Variants in PROM1 observed in about 807,000 individuals in gnomAD.
PROM1 encodes the protein prominin-1.
In PROM1, 105 loss-of-function variants were observed where a neutral mutation model predicts 116.9. That is an observed-to-expected ratio of 0.90 (90% CI 0.77 to 1.06). The LOEUF is 1.06. Ranked by LOEUF, PROM1 falls within the 50% of genes least tolerant of loss-of-function variation. The pLI, the probability that PROM1 is intolerant of heterozygous loss-of-function variation, is 0.00. For synonymous variants in PROM1, 393 were observed against 387.0 expected (o/e 1.02, Z -0.18); for missense variants, 1,122 against 1,045.2 (o/e 1.07, Z -1.01).
At chr4:16,078,088 GA>G (rs1401090170) in intron 1 of PROM1, 2 of 152,240 alleles carry the variant, frequency 1.3e-5, no homozygotes, top group African/African-American at 2.4e-5. Context: ...GGCAGAGGGA[GA>G]CTCTTACCTA....
chr4:16,029,445 C>A (rs542870959), intron 5 of PROM1, among the ~76,000 whole-genome samples: 38 of 151,616 alleles, frequency 2.5e-4, no homozygotes, highest in African/African-American at 8.5e-4. Flanking sequence ...TTGGCTTTTT[C>A]TGGAGTAAGA....
chr4:16,044,508 TGCCTTTGGTG>T (rs1578189760), intron 2 of PROM1, among the ~76,000 whole-genome samples: 1 of 152,358 alleles, frequency 6.6e-6, no homozygotes, highest in East Asian at 1.9e-4. Flanking sequence ...GTCCCTCTTT[TGCCTTTGGTG>T]GCCCCATCTT....
At chr4:15,994,183 C>A in intron 15 of PROM1, 112 bp from the exon 16 acceptor site, 1 of 1,536,914 alleles carries the variant, frequency 6.5e-7, no homozygotes, top group East Asian at 2.3e-5. Flanking sequence ...AATCTGTGAA[C>A]ACAGAAGTGG....
rs921874913 is a variant in PROM1 at position 16,075,647 on chromosome 4, T to C, written c.220+40A>G. 7 of 1,546,862 alleles carry C rather than the reference T, an allele frequency of 4.5e-6. 1 individual carries two copies. The African/African-American group carries it at 6.8e-5, about 15-fold the overall frequency. ...TTAAAAAACAATATTGTGGGTGCGT[T>C]TGGAGATAAATCCTATCTTTCCCTG... On this transcript the variant is annotated intron_variant, in intron 2 of 27. Coordinates refer to ENST00000447510, the MANE Select transcript of PROM1 (RefSeq NM_006017.3).
chr4:16,037,187 G>A (rs1734122079), intron 3 of PROM1, among the ~76,000 whole-genome samples: 1 of 152,148 alleles, frequency 6.6e-6, no homozygotes. Flanking sequence ...TCATTCCTTG[G>A]TTGGCATTCG....
At position 16,013,260 on chromosome 4, in the gene PROM1, A is replaced by G. The variant is rs1252225433; in HGVS notation, c.1141+15T>C. 6.3e-7 allele frequency: 1 copy of G among 1,590,554 alleles called. No homozygotes were observed. Among genetic ancestry groups the G allele is most frequent in the African/African-American group, 1.3e-5 (1 of 74,344 alleles). On this transcript the variant is annotated intron_variant, in intron 11 of 27. Transcript: ENST00000447510. ...ACCTACCAATCACAAAATCACCTCAAACTGTGAATCTCACCTGCTACGACA... is the reference window on the plus strand; with the variant it reads ...ACCTACCAATCACAAAATCACCTCAGACTGTGAATCTCACCTGCTACGACA...
At chr4:16,034,870 C>A (rs1733622494) in intron 4 of PROM1, among the ~76,000 whole-genome samples, 2 of 152,192 alleles carry the variant, frequency 1.3e-5, no homozygotes, top group African/African-American at 4.8e-5. Flanking sequence ...GTCACATTAG[C>A]ATTAACTTCA....
At chr4:16,031,947 T>C (rs560856020) in intron 5 of PROM1, among the ~76,000 whole-genome samples, 4 of 152,280 alleles carry the variant, frequency 2.6e-5, no homozygotes, top group African/African-American at 9.6e-5. Context: ...GTTAAGTTAA[T>C]TCAATAGGTA....
chr4:15,971,592 G>A (rs962262041), intron 26 of PROM1: 1 of 152,672 alleles, frequency 6.5e-6, no homozygotes, highest in Non-Finnish European at 1.5e-5. Flanking sequence ...GTCCTCTAAA[G>A]TGACTCTGTG....
chr4:16,074,423 T>C (rs976240110), intron 2 of PROM1, among the ~76,000 whole-genome samples: 4 of 152,168 alleles, frequency 2.6e-5, no homozygotes, highest in African/African-American at 9.7e-5. Context: ...ACATATTAAG[T>C]CTCCAAATAA....
chr4:16,063,488 C>T (rs1330238916), intron 2 of PROM1, among the ~76,000 whole-genome samples: 1 of 152,024 alleles, frequency 6.6e-6, no homozygotes, highest in Non-Finnish European at 1.5e-5. Context: ...CCCAGCTACT[C>T]GGGAGGCCGA....
intron 2 of PROM1, among the ~76,000 whole-genome samples, chr4:16,050,553 C>T (rs1157087185): frequency 6.6e-6 from 1 of 152,114 alleles, no homozygotes; most frequent in Non-Finnish European, 1.5e-5. Context: ...GAGATTTCGT[C>T]ATGTTGCCCG....
chr4:15,985,341 A>G (rs1019098242), intron 22 of PROM1, among the ~76,000 whole-genome samples: 8 of 152,138 alleles, frequency 5.3e-5, no homozygotes, highest in Admixed American at 2.0e-4. Context: ...CTGAGGGACA[A>G]TTGTATATAT....
At chr4:16,048,053 T>C (rs1392315766) in intron 2 of PROM1, among the ~76,000 whole-genome samples, 2 of 152,150 alleles carry the variant, frequency 1.3e-5, no homozygotes, top group Non-Finnish European at 2.9e-5. Context: ...ACTTGAAGGG[T>C]TAAGTGTGGC....
rs1349327436 is a variant in PROM1 at position 15,989,844 on chromosome 4, C to G, written c.1984-20G>C. On this transcript the variant is annotated intron_variant, in intron 18 of 27. Transcript: ENST00000447510. ...TGGGGGCTACAAAAAGAATAAAAAA[C>G]AAAGATCAATACCATCTTTCCAGAC... 9 of 1,554,526 alleles carry G rather than the reference C, an allele frequency of 5.8e-6. No homozygotes were observed. The highest frequency in any genetic ancestry group is 7.9e-6 in the Non-Finnish European group (9 of 1,137,974).
At chr4:16,066,837 T>C (rs942487386) in intron 2 of PROM1, among the ~76,000 whole-genome samples, 15 of 152,238 alleles carry the variant, frequency 9.9e-5, no homozygotes, top group African/African-American at 3.6e-4. Context: ...ATGTCATCGC[T>C]GAAGATCAGC....
chr4:16,067,149 A>T (rs1394128104), intron 2 of PROM1, among the ~76,000 whole-genome samples: 4 of 152,094 alleles, frequency 2.6e-5, no homozygotes, highest in Admixed American at 6.5e-5. Context: ...TATACAACAG[A>T]TCTCCTCCTC....
chr4:16,029,770 C>T (rs908591038), intron 5 of PROM1, among the ~76,000 whole-genome samples: 1 of 152,246 alleles, frequency 6.6e-6, no homozygotes, highest in East Asian at 1.9e-4. Flanking sequence ...GAAATTGAGT[C>T]CAATAAAAGG....
intron 2 of PROM1, among the ~76,000 whole-genome samples, chr4:16,070,314 G>C (rs908974296): frequency 6.6e-6 from 1 of 152,050 alleles, no homozygotes; most frequent in African/African-American, 2.4e-5. Context: ...TGGAAACAAG[G>C]ACACAGAAAT....
Sources: allele counts gnomAD v4.1 joint callset (sites outside exome capture counted in the v4.1 genomes callset), GRCh38; gene constraint gnomAD v4.1.1; transcripts MANE v1.5; gene names NCBI Gene and HGNC (gene_info 2026-07-23, HGNC 2026-07-21).